Variants in DST observed in about 807,000 individuals in gnomAD.
The protein encoded by DST is bullous pemphigoid antigen.
DST carries 253 observed loss-of-function variants against 875.2 expected under a neutral mutation model. The observed-to-expected ratio is 0.29, with a 90% confidence interval of 0.26 to 0.32. DST has a LOEUF of 0.32. Ranked by LOEUF, DST falls within the 10% of genes least tolerant of loss-of-function variation. DST has a pLI of 1.00. For synonymous variants in DST, 3,124 were observed against 3,197.1 expected (o/e 0.98, Z 0.77); for missense variants, 8,287 against 9,111.6 (o/e 0.91, Z 3.68).
At chr6:56,485,600 T>C in intron 87 of DST, 129 bp from the exon 88 acceptor site, 1 of 899,378 alleles carries the variant, frequency 1.1e-6, no homozygotes, top group Non-Finnish European at 1.6e-6. Flanking sequence ...TATTCATTGT[T>C]GTTTCTTTGC....
In DST at chr6:56,492,219, G is replaced by T. The variant is rs1208026018; in HGVS notation, c.20757+8C>A. Reference sequence around the variant, plus strand: ...CAAGTTCAGAGAATTTTTCTAAAGGGTTATTACCTGCTTGGCTCTCTTCCT... The same window carrying T: ...CAAGTTCAGAGAATTTTTCTAAAGGTTTATTACCTGCTTGGCTCTCTTCCT... On this transcript the variant is annotated splice_region_variant and intron_variant, in intron 85 of 103. Transcript: ENST00000680361. 1 of 1,612,646 alleles carries T rather than the reference G, an allele frequency of 6.2e-7. No individual in the cohort carries two copies. The highest frequency in any genetic ancestry group is 1.1e-5 in the South Asian group (1 of 90,854).
chr6:56,642,670 A>G (rs374247067), intron 15 of DST, 167 bp from the exon 16 acceptor site: 3 of 1,614,184 alleles, frequency 1.9e-6, no homozygotes, highest in Admixed American at 3.3e-5. Context: ...AGAGTTGATC[A>G]GTGTTGGACC....
intron 4 of DST, among the ~76,000 whole-genome samples, chr6:56,805,045 T>C (rs1388012472): frequency 6.6e-6 from 1 of 152,088 alleles, no homozygotes; most frequent in Non-Finnish European, 1.5e-5. Context: ...CTACAAATCA[T>C]CATTTATTCA....
chr6:56,922,034 G>A (rs1462350226), intron 2 of DST, among the ~76,000 whole-genome samples: 1 of 151,976 alleles, frequency 6.6e-6, no homozygotes, highest in Non-Finnish European at 1.5e-5. Context: ...ATATACGTAT[G>A]TATCCTTTCT....
intron 4 of DST, among the ~76,000 whole-genome samples, chr6:56,740,866 T>A (rs2099544305): frequency 6.6e-6 from 1 of 151,822 alleles, no homozygotes; most frequent in African/African-American, 2.4e-5. Flanking sequence ...TCCCATTAAA[T>A]AACAACCAAG....
At chr6:56,712,090 C>CAAAAAA (rs34769867) in intron 5 of DST, among the ~76,000 whole-genome samples, 18 of 76,552 alleles carry the variant, frequency 2.4e-4, no homozygotes, top group Admixed American at 4.4e-4. Context: ...GACTCCGTCT[C>CAAAAAA]AAAAAAAAAA....
intron 2 of DST, among the ~76,000 whole-genome samples, chr6:56,902,820 C>A (rs1794746703): frequency 6.6e-6 from 1 of 152,196 alleles, no homozygotes; most frequent in African/African-American, 2.4e-5. Context: ...GAACCAAATT[C>A]TAGGGCAGTT....
At chr6:56,546,357 T>TATATATATATATATTTC (rs1554326171) in intron 61 of DST, among the ~76,000 whole-genome samples, 8 of 78,874 alleles carry the variant, frequency 1.0e-4, no homozygotes, top group African/African-American at 4.5e-4. Context: ...CATATATATA[T>TATATATATATATATTTC]ATATATATAT....
At chr6:56,827,506 CAAAAAAA>C (rs779051829) in intron 4 of DST, among the ~76,000 whole-genome samples, 1 of 58,764 alleles carries the variant, frequency 1.7e-5, no homozygotes, top group African/African-American at 5.6e-5. Flanking sequence ...GACTCCGTCT[CAAAAAAA>C]AAAAAAAAAA....
chr6:56,916,778 T>TCTCTCTCTCTCACACACA (rs1470233953), intron 2 of DST, among the ~76,000 whole-genome samples: 5 of 91,354 alleles, frequency 5.5e-5, no homozygotes, highest in African/African-American at 1.5e-4. Context: ...TCTCTCTCTC[T>TCTCTCTCTCTCACACACA]CACACACACA....
rs188367907 is a variant in DST, at chr6:56,458,251, C to T, written c.*754G>A. 6.6e-6 allele frequency: 1 copy of T among 152,668 alleles called. No individual in the cohort carries two copies. The highest frequency in any genetic ancestry group is 2.1e-4 in the South Asian group (1 of 4,820). The allele number at this position is 152,668 out of a possible 1,614,324, so 9.5% of individuals were successfully genotyped here. Reference sequence around the variant, plus strand: ...ATTCCATAGCAATGCAGTTAAGGGACGTGTTTTATTTCATAGCTTTCTGCA... The same window carrying T: ...ATTCCATAGCAATGCAGTTAAGGGATGTGTTTTATTTCATAGCTTTCTGCA... On this transcript the variant is annotated 3_prime_UTR_variant, in exon 104 of 104. Transcript: ENST00000680361.
intron 69 of DST, among the ~76,000 whole-genome samples, chr6:56,525,686 T>A (rs1272635366): frequency 6.6e-6 from 1 of 152,172 alleles, no homozygotes; most frequent in East Asian, 1.9e-4. Flanking sequence ...AATATAAATA[T>A]TCACAGAAAT....
chr6:56,708,755 G>A (rs2099350940), intron 5 of DST, among the ~76,000 whole-genome samples: 1 of 152,038 alleles, frequency 6.6e-6, no homozygotes, highest in Non-Finnish European at 1.5e-5. Flanking sequence ...TGAACTGAGG[G>A]GAAAGAATTG....
Position 56,608,358 on chromosome 6 carries a change from T to C in DST, c.6270A>G (p.Glu2090=), listed in dbSNP as rs1563157099. The C allele has an allele frequency of 1.4e-5, 23 of 1,612,762 alleles. No individual in the cohort carries two copies. The highest frequency in any genetic ancestry group is 1.9e-5 in the Non-Finnish European group (23 of 1,179,782). Residue 2090 remains glutamate (E), a synonymous_variant, in exon 40 of 104, where the codon GAA becomes GAG. Coordinates refer to ENST00000680361, the MANE Select transcript of DST (RefSeq NM_001374736.1). The stretch of plus-strand genomic sequence containing the variant: ...TGTAGGCCAATTCATTTGTAATCAA[T>C]TCTTGCTGCAAGGAAGATGATGTGG... ...IFPTSSSLQQ[E]LITNELAYKI...
chr6:56,553,258 G>C lies in DST; in HGVS notation c.15534C>G (p.Leu5178=), dbSNP rs778200825. The stretch of plus-strand genomic sequence containing the variant: ...TTTGGCATTTGTCTATCCATGGCCA[G>C]AGAGTCTCTACTTGCTCTTTATACT... ...ALKYKEQVET[L]WPWIDKCQNN... is the part of the protein sequence containing the mutation. Residue 5178 remains leucine (L), a synonymous_variant, in exon 61 of 104, where the codon CTC becomes CTG. Transcript: ENST00000680361. 11 of 1,613,680 alleles carry C rather than the reference G, an allele frequency of 6.8e-6. No homozygotes were observed. The highest frequency in any genetic ancestry group is 9.3e-6 in the Non-Finnish European group (11 of 1,179,898).
chr6:56,501,275 A>G (rs773487752), intron 79 of DST, 40 bp from the exon 80 acceptor site: 9 of 1,542,990 alleles, frequency 5.8e-6, no homozygotes, highest in African/African-American at 2.8e-5. Flanking sequence ...TATAAATTTG[A>G]TATTATGAAT....
At chr6:56,617,528 A>G in intron 36 of DST, 2 of 1,056,194 alleles carry the variant, frequency 1.9e-6, no homozygotes, top group Non-Finnish European at 2.9e-6. Context: ...AGATTAGTGA[A>G]AAGAAGAAAA....
intron 9 of DST, among the ~76,000 whole-genome samples, chr6:56,687,833 A>G (rs2152853586): frequency 6.6e-6 from 1 of 152,320 alleles, no homozygotes; most frequent in South Asian, 2.1e-4. Flanking sequence ...TTTTAACTGT[A>G]AAGACAGCAC....
chr6:56,472,030 T>C (rs1173366299), intron 94 of DST, 29 bp downstream of exon 94: 3 of 1,610,388 alleles, frequency 1.9e-6, no homozygotes, highest in African/African-American at 1.3e-5. Flanking sequence ...CAAATGACAA[T>C]GTGGTGTTGA....
Sources: gnomAD v4.1 joint callset for allele counts (sites outside exome capture counted in the v4.1 genomes callset) on GRCh38, gnomAD v4.1.1 for gene constraint, MANE v1.5 for transcripts, NCBI Gene and HGNC (gene_info 2026-07-23, HGNC 2026-07-21) for gene names.